The following ABCB1 variants were observed in gnomAD, a reference collection of about 807,000 sequenced individuals.
The protein encoded by ABCB1 is ATP binding cassette subfamily B member 1, also known as ATP-dependent translocase ABCB1.
A neutral mutation model predicts 142.0 loss-of-function variants in ABCB1; 69 were observed. That is an observed-to-expected ratio of 0.49 (90% CI 0.40 to 0.59). The LOEUF is 0.59. Among genes scored for constraint, ABCB1 ranks in the 20% least tolerant of loss-of-function variants. The pLI, the probability that ABCB1 is intolerant of heterozygous loss-of-function variation, is 0.00. For synonymous variants in ABCB1, 532 were observed against 539.2 expected (o/e 0.99, Z 0.18); for missense variants, 1,326 against 1,554.7 (o/e 0.85, Z 2.47).
At chr7:87,619,538 C>CAA (rs397829281) in intron 1 of ABCB1, among the ~76,000 whole-genome samples, 8 of 77,700 alleles carry the variant, frequency 1.0e-4, no homozygotes, top group Admixed American at 1.4e-4. Context: ...AACTCCATCT[C>CAA]AAAAAAAAAA....
rs558742745 is a variant in ABCB1 at position 87,542,120 on chromosome 7, A to T, written c.2212-656T>A. Among the ~76,000 whole-genome samples, 6 of 152,318 alleles carry T rather than the reference A, an allele frequency of 3.9e-5. No individual in the cohort carries two copies. In the South Asian group the frequency reaches 1.2e-3, roughly 32 times the overall value. On this transcript the variant is annotated intron_variant, in intron 17 of 27. Transcript: ENST00000622132. ...CGTATCTCCCTTCACAGTGGGCCAA[A>T]ATCAGTCTTGTAAGATAGTAACATT... is the stretch of plus-strand genomic sequence containing the variant.
intron 3 of ABCB1, among the ~76,000 whole-genome samples, 198 bp from the exon 4 acceptor site, chr7:87,585,878 G>C (rs1818730233): frequency 6.6e-6 from 1 of 152,180 alleles, no homozygotes; most frequent in Non-Finnish European, 1.5e-5. Flanking sequence ...CTTCCATTGA[G>C]TTCTGGCCTA....
chr7:87,681,539 A>T (rs1226928513), intron 1 of ABCB1, among the ~76,000 whole-genome samples: 1 of 150,768 alleles, frequency 6.6e-6, no homozygotes, highest in Non-Finnish European at 1.5e-5. Flanking sequence ...TAATAGCATT[A>T]TGTCTAAAAA....
chr7:87,670,427 T>C (rs1235884069), intron 1 of ABCB1, among the ~76,000 whole-genome samples: 1 of 152,198 alleles, frequency 6.6e-6, no homozygotes, highest in Non-Finnish European at 1.5e-5. Flanking sequence ...TCTTCCTGAG[T>C]CTCAGTGATC....
intron 7 of ABCB1, chr7:87,564,208 T>G (rs750984657): frequency 5.4e-5 from 23 of 425,572 alleles, no homozygotes; most frequent in Non-Finnish European, 7.0e-5. Context: ...TGCCTTACTC[T>G]AGCCGGCAGT....
At chr7:87,514,603 T>A (rs781621830) in intron 25 of ABCB1, among the ~76,000 whole-genome samples, 1 of 152,190 alleles carries the variant, frequency 6.6e-6, no homozygotes, top group East Asian at 1.9e-4. Context: ...CTAAACATTT[T>A]CCCTGGACTC....
At chr7:87,628,779 G>C (rs1563084665) in intron 1 of ABCB1, 2 of 1,157,426 alleles carry the variant, frequency 1.7e-6, no homozygotes, top group Non-Finnish European at 2.2e-6. Flanking sequence ...TGTGGGGGGC[G>C]TGCGGGGTGG....
intron 4 of ABCB1, among the ~76,000 whole-genome samples, chr7:87,577,530 T>A (rs1192281839): frequency 6.6e-6 from 1 of 152,216 alleles, no homozygotes; most frequent in East Asian, 1.9e-4. Flanking sequence ...CTCAAAAATG[T>A]ACAAGTTGTA....
chr7:87,543,013 G>C (rs1253796186), intron 17 of ABCB1, among the ~76,000 whole-genome samples: 1 of 152,150 alleles, frequency 6.6e-6, no homozygotes, highest in Non-Finnish European at 1.5e-5. Context: ...ACCTGGCACA[G>C]AGCAGACACA....
At chr7:87,609,218 T>G (rs1030311804) in intron 1 of ABCB1, among the ~76,000 whole-genome samples, 3 of 152,134 alleles carry the variant, frequency 2.0e-5, no homozygotes, top group Non-Finnish European at 4.4e-5. Flanking sequence ...GCAGACCTCA[T>G]TAAGGAGATA....
In ABCB1 at chr7:87,540,720, G is replaced by C. The variant is rs373512597; in HGVS notation, c.2319+637C>G. ...TCACCTCGGCCTCCCAAAGTGCTGG[G>C]ATTACAGGCATAAGCCACCACACCT... On this transcript the variant is annotated intron_variant, in intron 18 of 27. Transcript: ENST00000622132. 7.9e-5 allele frequency among the ~76,000 whole-genome samples: 12 copies of C among 152,310 alleles called. No individual in the cohort carries two copies. The East Asian group carries it at 2.3e-3, about 29-fold the overall frequency.
At chr7:87,584,257 G>A (rs1474615748) in intron 4 of ABCB1, among the ~76,000 whole-genome samples, 1 of 152,146 alleles carries the variant, frequency 6.6e-6, no homozygotes. Context: ...CAAAAGATCC[G>A]TATATACCCG....
intron 1 of ABCB1, among the ~76,000 whole-genome samples, chr7:87,687,191 C>T (rs1452368692): frequency 6.6e-6 from 1 of 151,790 alleles, no homozygotes; most frequent in Non-Finnish European, 1.5e-5. Context: ...CTAGTTTTTC[C>T]CCCACAACTT....
intron 14 of ABCB1, among the ~76,000 whole-genome samples, chr7:87,547,906 C>T (rs893385884): frequency 1.3e-5 from 2 of 148,636 alleles, no homozygotes; most frequent in African/African-American, 5.0e-5. Flanking sequence ...GTGGTCCCAG[C>T]TACTTGTGAG....
At chr7:87,696,639 T>TTAAG (rs1195058975) in intron 1 of ABCB1, among the ~76,000 whole-genome samples, 3 of 152,108 alleles carry the variant, frequency 2.0e-5, no homozygotes, top group Non-Finnish European at 4.4e-5. Context: ...GTGTCTTGAA[T>TTAAG]TAAGAGCTTC....
At chr7:87,507,705 C>A (rs909307151) in intron 26 of ABCB1, among the ~76,000 whole-genome samples, 1 of 152,056 alleles carries the variant, frequency 6.6e-6, no homozygotes, top group African/African-American at 2.4e-5. Flanking sequence ...TCTTCCCCGC[C>A]GGGTTGAGGC....
At chr7:87,575,778 G>A (rs1466288851) in intron 4 of ABCB1, among the ~76,000 whole-genome samples, 1 of 152,152 alleles carries the variant, frequency 6.6e-6, no homozygotes, top group African/African-American at 2.4e-5. Flanking sequence ...CCTCTGGCCT[G>A]AAGAGCTGTG....
chr7:87,516,364 A>G, intron 24 of ABCB1, 145 bp downstream of exon 24: 1 of 981,656 alleles, frequency 1.0e-6, no homozygotes, highest in South Asian at 1.4e-5. Context: ...GTATATTATT[A>G]GCAGTAATTG....
intron 1 of ABCB1, chr7:87,659,267 G>A (rs1824451326): frequency 2.4e-6 from 1 of 411,950 alleles, no homozygotes; most frequent in Non-Finnish European, 4.8e-6. Context: ...TTAGTTTTCT[G>A]TTTGTTCCCC....
Sources: allele counts gnomAD v4.1 joint callset (sites outside exome capture counted in the v4.1 genomes callset), GRCh38; gene constraint gnomAD v4.1.1; transcripts MANE v1.5; gene names NCBI Gene and HGNC (gene_info 2026-07-23, HGNC 2026-07-21).